Variants in BEAN1 observed in about 807,000 individuals in gnomAD.
The protein encoded by BEAN1 is protein BEAN1.
BEAN1 carries 17 observed loss-of-function variants against 17.7 expected under a neutral mutation model. The observed-to-expected ratio is 0.96, with a 90% CI of 0.66 to 1.44. The LOEUF is 1.44. Among genes scored for constraint, BEAN1 ranks in the 40% most tolerant of loss-of-function variants. The probability of loss-of-function intolerance (pLI) is 0.00; values close to 1 mark genes in which losing one functional copy is unlikely to be tolerated. For missense variants in BEAN1, 359 were observed against 374.1 expected, an observed-to-expected ratio of 0.96 and a Z score of 0.33; for synonymous variants, 142 against 151.8, an observed-to-expected ratio of 0.94 and a Z score of 0.47.
chr16:66,465,976 C>G (rs1031915988), intron 2 of BEAN1, among the ~76,000 whole-genome samples: 1 of 150,920 alleles, frequency 6.6e-6, no homozygotes, highest in African/African-American at 2.5e-5. Flanking sequence ...CCACACCTGG[C>G]TAACTTTTTG....
chr16:66,448,889 A>G (rs552238858), intron 2 of BEAN1, among the ~76,000 whole-genome samples: 2 of 152,382 alleles, frequency 1.3e-5, no homozygotes, highest in African/African-American at 4.8e-5. Flanking sequence ...CACTGCCTGT[A>G]ATCCCAACAC....
intron 2 of BEAN1, among the ~76,000 whole-genome samples, chr16:66,453,824 T>C (rs112856345): frequency 0.026 from 3,882 of 152,186 alleles, 173 homozygotes; most frequent in African/African-American, 0.09. Context: ...ACCTCTGTCT[T>C]CCAGGTTCAA....
chr16:66,480,742 C>T lies in BEAN1; in HGVS notation c.597C>T (p.Thr199=). Residue 199 remains threonine (T), a synonymous_variant, in exon 5 of 5, where the codon ACC becomes ACT. Transcript: ENST00000536005. Reference sequence around the variant, plus strand: ...GCCGACACCAGCAGGAGCAGAGGACCCCGGCCCAAGGTGGCCTTCACACGG... The same window carrying T: ...GCCGACACCAGCAGGAGCAGAGGACTCCGGCCCAAGGTGGCCTTCACACGG... ...SPGRHQQEQR[T]PAQGGLHTVS... is the part of the protein sequence containing the mutation. 1.9e-6 allele frequency: 3 copies of T among 1,551,624 alleles called. No individual in the cohort carries two copies. In the African/African-American group the frequency reaches 4.1e-5, roughly 21 times the overall value.
intron 4 of BEAN1, among the ~76,000 whole-genome samples, chr16:66,490,523 T>C (rs1964162998): frequency 6.6e-6 from 1 of 151,842 alleles, no homozygotes; most frequent in Non-Finnish European, 1.5e-5. Context: ...TACAAAAACA[T>C]ACCTAAGAAT....
Position 66,480,844 on chromosome 16 carries a change from C to G in BEAN1, c.699C>G (p.Gly233=). ...CATCAGGCCTGCTGCCACTGCCGGG[C>G]CCAGACCCAGGGCCAAGGGGCTCCC... ...GPPSGLLPLP[G]PDPGPRGSQG... The change falls in exon 5 of 5, where the codon GGC becomes GGG. Residue 233 remains glycine (G), a synonymous_variant. Coordinates refer to ENST00000536005, the MANE Select transcript of BEAN1 (RefSeq NM_001178020.3). 6.6e-7 allele frequency: 1 copy of G among 1,521,412 alleles called. No individual in the cohort carries two copies. Among genetic ancestry groups the G allele is most frequent in the Non-Finnish European group, 8.9e-7 (1 of 1,129,400 alleles). The allele number at this position is 1,521,412 out of a possible 1,614,324, so 94.2% of individuals were successfully genotyped here.
chr16:66,482,910 G>A (rs1382296841), downstream of BEAN1: 5 of 456,010 alleles, frequency 1.1e-5, no homozygotes, highest in African/African-American at 1.0e-4. Flanking sequence ...ACGCTGGAGT[G>A]CAATGGTATG....
At position 66,471,550 on chromosome 16, in the gene BEAN1, G is replaced by A. The variant is rs576584048; in HGVS notation, c.289+1685G>A. On this transcript the variant is annotated intron_variant, in intron 3 of 4. Transcript: ENST00000536005. This position sits in a 1 kb window ranked among gnomAD's most constrained non-coding sequence, Gnocchi z 4.7. ...TGGGTGTCACTCAGACCTGGATGTT[G>A]CTCCCCTGGGAAAGCTGTTAGGAGA... 3.9e-5 allele frequency among the ~76,000 whole-genome samples: 6 copies of A among 152,332 alleles called. No individual in the cohort carries two copies. In the South Asian group the frequency reaches 1.2e-3, roughly 32 times the overall value.
chr16:66,474,625 G>GGAGA (rs1963652592), intron 3 of BEAN1, among the ~76,000 whole-genome samples: 6 of 42,952 alleles, frequency 1.4e-4, no homozygotes, highest in Non-Finnish European at 2.0e-4. Context: ...AGGAAGGGAG[G>GGAGA]GAGGGAGGGA....
chr16:66,489,934 G>C lies in BEAN1; in HGVS notation c.148-3028G>C, dbSNP rs535506803. ...CTGAATTCAGAGAACATTGTAGGGGGCAGGGGAGTTGGGAGCAGGGAGCAG... is the reference window on the plus strand; with the variant it reads ...CTGAATTCAGAGAACATTGTAGGGGCCAGGGGAGTTGGGAGCAGGGAGCAG... On this transcript the variant is annotated intron_variant, in intron 4 of 4. Coordinates refer to the BEAN1 transcript ENST00000561796. 6.7e-4 allele frequency among the ~76,000 whole-genome samples: 102 copies of C among 152,162 alleles called. 1 individual carries two copies. The highest frequency in any genetic ancestry group is 2.4e-3 in the African/African-American group (100 of 41,512).
intron 2 of BEAN1, among the ~76,000 whole-genome samples, chr16:66,453,537 T>A (rs1182184207): frequency 6.6e-6 from 1 of 152,090 alleles, no homozygotes; most frequent in Non-Finnish European, 1.5e-5. Context: ...TTTTTATTAT[T>A]TTTTTGTATA....
chr16:66,466,826 C>T (rs917302430), intron 2 of BEAN1, among the ~76,000 whole-genome samples: 1 of 152,236 alleles, frequency 6.6e-6, no homozygotes, highest in Non-Finnish European at 1.5e-5. Flanking sequence ...ACCTCACCCT[C>T]CCAAAGTGCT....
chr16:66,484,297 C>T, downstream of BEAN1: 1 of 323,048 alleles, frequency 3.1e-6, no homozygotes, highest in South Asian at 2.6e-5. The surrounding 1 kb of genome is among the most constrained non-coding windows in gnomAD (Gnocchi z 4.2). Context: ...TGATGGTGTC[C>T]AGCCATGTGC....
At chr16:66,461,605 CACACACACAA>C (rs1963088011) in intron 2 of BEAN1, among the ~76,000 whole-genome samples, 1 of 151,350 alleles carries the variant, frequency 6.6e-6, no homozygotes, top group African/African-American at 2.4e-5. Context: ...CACACACACA[CACACACACAA>C]ACGCACGCAC....
intron 4 of BEAN1, among the ~76,000 whole-genome samples, chr16:66,488,997 C>T (rs541823376): frequency 6.6e-6 from 1 of 152,130 alleles, no homozygotes; most frequent in Non-Finnish European, 1.5e-5. Context: ...CATGGTGAAA[C>T]CCTGTCTCTA....
At chr16:66,459,275 C>T (rs4783597) in intron 2 of BEAN1, among the ~76,000 whole-genome samples, 17,950 of 152,132 alleles carry the variant, frequency 0.12, 1,271 homozygotes, top group East Asian at 0.22. Context: ...ACTCTGACCA[C>T]GCCCCTCTTT....
rs947915122 is a variant in BEAN1, at chr16:66,469,682, G to A, written c.106G>A (p.Val36Met). 7.2e-6 allele frequency: 11 copies of A among 1,535,882 alleles called. No homozygotes were observed. The highest frequency in any genetic ancestry group is 2.7e-5 in the African/African-American group (2 of 72,998). The change falls in exon 3 of 5, where the codon GTG becomes ATG. Residue 36 changes from valine to methionine, a missense_variant. Physicochemically the swap from Val to Met is conservative, Grantham distance 21. Transcript: ENST00000536005. ...GCACAGCCATCTGCTCGTGTCCCCC[G>A]TGCTGGTGGCGAGTGCCGTCATAGG... ...SEHSHLLVSP[V>M]LVASAVIGVV...
chr16:66,494,667 T>C (rs1377973236), downstream of BEAN1, among the ~76,000 whole-genome samples: 2 of 152,158 alleles, frequency 1.3e-5, no homozygotes, highest in Non-Finnish European at 2.9e-5. Context: ...ACACCCTTAA[T>C]CCATCTAGGA....
intron 2 of BEAN1, among the ~76,000 whole-genome samples, chr16:66,458,569 A>AACCCCCCAAC (rs1962961007): frequency 1.1e-5 from 1 of 87,306 alleles, no homozygotes; most frequent in Non-Finnish European, 2.4e-5. Flanking sequence ...TCCGGCCCCC[A>AACCCCCCAAC]CCCCCAAACC....
chr16:66,459,836 T>G (rs149343940), intron 2 of BEAN1, among the ~76,000 whole-genome samples: 1 of 152,236 alleles, frequency 6.6e-6, no homozygotes, highest in African/African-American at 2.4e-5. Flanking sequence ...AGACCAGGAC[T>G]CTTTAAGTCC....
Sources: allele counts gnomAD v4.1 joint callset (sites outside exome capture counted in the v4.1 genomes callset), GRCh38; gene constraint gnomAD v4.1.1; non-coding constraint Gnocchi (gnomAD v3.1); transcripts MANE v1.5; gene names NCBI Gene and HGNC (gene_info 2026-07-23, HGNC 2026-07-21).